The following USP54 variants were observed in gnomAD, a reference collection of about 807,000 sequenced individuals.
USP54 encodes the protein ubiquitin carboxyl-terminal hydrolase 54.
USP54 carries 87 observed loss-of-function variants against 170.5 expected under a neutral mutation model. That is an observed-to-expected ratio of 0.51 (90% CI 0.43 to 0.61). The LOEUF is 0.61. Ranked by LOEUF, USP54 falls within the 20% of genes least tolerant of loss-of-function variation. USP54 has a pLI of 0.00. For synonymous variants in USP54, 655 were observed against 742.8 expected, an observed-to-expected ratio of 0.88 and a Z score of 1.92; for missense variants, 1,786 against 2,047.8, an observed-to-expected ratio of 0.87 and a Z score of 2.47.
chr10:73,600,512 C>T (rs187242092), intron 1 of USP54, among the ~76,000 whole-genome samples: 226 of 152,240 alleles, frequency 1.5e-3, no homozygotes, highest in Non-Finnish European at 2.5e-3. Context: ...TTTATTTTAA[C>T]TCTGTATAAA....
At position 73,516,511 on chromosome 10, in the gene USP54, A is replaced by T. The variant is rs754600141; in HGVS notation, c.3915T>A (p.His1305Gln). 3.7e-6 allele frequency: 6 copies of T among 1,614,060 alleles called. No individual in the cohort carries two copies. The highest frequency in any genetic ancestry group is 1.7e-5 in the Admixed American group (1 of 59,986). The change falls in exon 20 of 24, where the codon CAT becomes CAA. Residue 1305 changes from histidine to glutamine, a missense_variant. This residue lies in a region of USP54 where 1,418 missense variants were observed against 1,569.0 expected (regional missense o/e 0.90). Coordinates refer to ENST00000687698, the MANE Select transcript of USP54 (RefSeq NM_001391956.1). The stretch of plus-strand genomic sequence containing the variant: ...GCTCTGTGTCTTGGTTCCAATGTGG[A>T]TGCAAAAGGATGTGATTTCTCTCTG... ...TYPERNHILL[H>Q]PHWNQDTEQE...
chr10:73,498,538 T>G lies in USP54; in HGVS notation c.*91A>C. 7.6e-7 allele frequency: 1 copy of G among 1,310,096 alleles called. No homozygotes were observed. The highest frequency in any genetic ancestry group is 1.0e-6 in the Non-Finnish European group (1 of 971,404). 81.2% of individuals were successfully genotyped at this position (1,310,096 alleles called of 1,614,324 possible). Reference sequence around the variant, plus strand: ...ATCCACCCGCCTCAGCCTCCCAAAGTGCTGGGATTACAGGTGTGAGCCACC... The same window carrying G: ...ATCCACCCGCCTCAGCCTCCCAAAGGGCTGGGATTACAGGTGTGAGCCACC... On this transcript the variant is annotated 3_prime_UTR_variant, in exon 24 of 24. Transcript: ENST00000687698.
chr10:73,514,332 G>A (rs1289075553), intron 20 of USP54, among the ~76,000 whole-genome samples: 4 of 152,036 alleles, frequency 2.6e-5, no homozygotes, highest in African/African-American at 7.2e-5. Context: ...GGAGGCCAAG[G>A]CGAGTGGATC....
At chr10:73,615,170 G>A (rs2080515863) in intron 1 of USP54, 1 of 150,182 alleles carries the variant, frequency 6.7e-6, no homozygotes, top group Admixed American at 6.6e-5. Flanking sequence ...TGGCCAATAT[G>A]GTGAAACCCT....
chr10:73,579,777 A>G (rs1589274556), intron 1 of USP54, among the ~76,000 whole-genome samples: 1 of 151,714 alleles, frequency 6.6e-6, no homozygotes, highest in African/African-American at 2.4e-5. Flanking sequence ...CAACAACAAC[A>G]ACAAAAAAAA....
Position 73,499,114 on chromosome 10 carries a change from C to T in USP54, c.4570G>A (p.Gly1524Arg). Residue 1524 changes from glycine (G) to arginine (R), a missense_variant, in exon 24 of 24, where the codon GGA (glycine) becomes AGA (arginine). Transcript: ENST00000687698. ...AGGCTCTGGTAGTTCAAAGTCCTTC[C>T]TGTGTACTTGGCCCCTTGGGAAGTT... ...GETSQGAKYT[G>R]RTLNYQSLPH... The T allele has an allele frequency of 6.2e-7, 1 of 1,614,092 alleles. No homozygotes were observed. The highest frequency in any genetic ancestry group is 1.3e-5 in the African/African-American group (1 of 75,026).
intron 1 of USP54, among the ~76,000 whole-genome samples, chr10:73,585,456 G>C (rs2077368811): frequency 6.6e-6 from 1 of 152,166 alleles, no homozygotes; most frequent in South Asian, 2.1e-4. Context: ...GGAAGCCCAG[G>C]TGTCACATGG....
At chr10:73,583,260 A>G (rs925913118) in intron 1 of USP54, among the ~76,000 whole-genome samples, 2 of 152,220 alleles carry the variant, frequency 1.3e-5, no homozygotes, top group South Asian at 4.1e-4. Context: ...CTTGTGCAAG[A>G]TGGCGAAACC....
At position 73,522,659 on chromosome 10, in the gene USP54, G is replaced by C. The variant is rs192512724; in HGVS notation, c.2362+924C>G. Among the ~76,000 whole-genome samples the C allele has an allele frequency of 6.6e-5, 10 of 152,232 alleles. No homozygotes were observed. The East Asian group carries it at 1.9e-3, about 29-fold the overall frequency. On this transcript the variant is annotated intron_variant, in intron 17 of 23. Transcript: ENST00000687698. ...CAAATATAGAGACAGCTAAGTATTA[G>C]GAATTTAAAACTAATTTGGAAACTA...
At chr10:73,564,714 G>A (rs1381435954) in intron 4 of USP54, among the ~76,000 whole-genome samples, 5 of 152,046 alleles carry the variant, frequency 3.3e-5, no homozygotes, top group Non-Finnish European at 7.4e-5. Context: ...ATGACCTGCT[G>A]AGCATTTAAC....
chr10:73,500,916 G>T, intron 22 of USP54, 78 bp from the exon 23 acceptor site: 1 of 1,456,212 alleles, frequency 6.9e-7, no homozygotes, highest in Non-Finnish European at 9.2e-7. Context: ...AACACAGTGA[G>T]GCAAGCAAAG....
intron 1 of USP54, among the ~76,000 whole-genome samples, chr10:73,619,110 G>C (rs2080884079): frequency 6.7e-6 from 1 of 150,306 alleles, no homozygotes; most frequent in South Asian, 2.1e-4. Context: ...CTACTCGGGA[G>C]GCTGAAGCAT....
chr10:73,513,863 A>G (rs1268294754), intron 20 of USP54, among the ~76,000 whole-genome samples: 1 of 152,088 alleles, frequency 6.6e-6, no homozygotes, highest in African/African-American at 2.4e-5. Flanking sequence ...CGCCCAGGTT[A>G]GAATGCAGTG....
chr10:73,622,808 C>T (rs2081198146), intron 1 of USP54, among the ~76,000 whole-genome samples: 1 of 151,826 alleles, frequency 6.6e-6, no homozygotes, highest in Admixed American at 6.6e-5. Flanking sequence ...CAAAAATTAG[C>T]CAAGCACCTG....
intron 19 of USP54, 189 bp downstream of exon 19, chr10:73,519,608 G>C: frequency 2.3e-6 from 2 of 872,392 alleles, no homozygotes; most frequent in Non-Finnish European, 3.4e-6. Flanking sequence ...TGCATCCTAG[G>C]AATTATTAAG....
Position 73,534,738 on chromosome 10 carries a change from T to A in USP54, c.1177A>T (p.Thr393Ser), listed in dbSNP as rs1368907391. 1 of 1,614,026 alleles carries A rather than the reference T, an allele frequency of 6.2e-7. No individual in the cohort carries two copies. Residue 393 changes from threonine (T) to serine (S), a missense_variant, in exon 12 of 24, where the codon ACA (threonine) becomes TCA (serine). Transcript: ENST00000687698. The part of the protein sequence containing the change: ...REPSISSDTR[T>S]DSSTESYPYK... ...GGATAGCTCTCCGTTGAGGAATCTGTTCGAGTGTCACTTGAGATGGAGGGC... is the reference window on the plus strand; with the variant it reads ...GGATAGCTCTCCGTTGAGGAATCTGATCGAGTGTCACTTGAGATGGAGGGC...
chr10:73,542,619 T>C (rs937618639), intron 7 of USP54, among the ~76,000 whole-genome samples, 184 bp downstream of exon 7: 2 of 151,888 alleles, frequency 1.3e-5, no homozygotes, highest in Non-Finnish European at 2.9e-5. Flanking sequence ...AAGTCTCAGC[T>C]ACTTGGGAGA....
At chr10:73,545,796 T>C (rs2067660839) in intron 4 of USP54, 124 bp from the exon 5 acceptor site, 4 of 1,059,268 alleles carry the variant, frequency 3.8e-6, no homozygotes, top group Non-Finnish European at 5.4e-6. Flanking sequence ...TTCCCATGGG[T>C]TGACATGCTT....
chr10:73,547,701 C>G (rs1237524368), intron 4 of USP54, among the ~76,000 whole-genome samples: 3 of 152,146 alleles, frequency 2.0e-5, no homozygotes, highest in Admixed American at 6.5e-5. Flanking sequence ...GAAACTGGAT[C>G]CCTTCCTTAC....
Sources: allele counts gnomAD v4.1 joint callset (sites outside exome capture counted in the v4.1 genomes callset), GRCh38; gene constraint gnomAD v4.1.1; regional missense constraint gnomAD v4.1.1; transcripts MANE v1.5; gene names NCBI Gene and HGNC (gene_info 2026-07-23, HGNC 2026-07-21).